MFNG: variants seen among roughly 807,000 people sequenced by gnomAD.
MFNG encodes the protein beta-1,3-N-acetylglucosaminyltransferase manic fringe.
Under a neutral mutation model 34.2 loss-of-function variants are expected in MFNG, and 24 were observed. That is an observed-to-expected ratio of 0.70 (90% CI 0.51 to 0.99). The LOEUF is 0.99. MFNG is among the 50% of genes least tolerant of loss of function. The pLI is 0.00. For missense variants in MFNG, 383 were observed against 424.0 expected (o/e 0.90, Z 0.85); for synonymous variants, 158 against 179.2 (o/e 0.88, Z 0.94).
chr22:37,473,742 T>C (rs1569156040), intron 6 of MFNG, among the ~76,000 whole-genome samples: 1 of 152,216 alleles, frequency 6.6e-6, no homozygotes, highest in African/African-American at 2.4e-5. Context: ...GGGGCTGCCA[T>C]CTTGCCAACA....
At chr22:37,478,275 G>A (rs1922129116) in intron 4 of MFNG, among the ~76,000 whole-genome samples, 1 of 152,106 alleles carries the variant, frequency 6.6e-6, no homozygotes, top group Non-Finnish European at 1.5e-5. Context: ...CTCTAGAGAG[G>A]GACCTCCCGA....
Position 37,479,600 on chromosome 22 carries a change from G to A in MFNG, c.408-102C>T, listed in dbSNP as rs1922199606. The A allele has an allele frequency of 4.2e-6, 6 of 1,433,782 alleles. No homozygotes were observed. The East Asian group carries it at 1.4e-4, about 34-fold the overall frequency. The allele number at this position is 1,433,782 out of a possible 1,614,324, so 88.8% of individuals were successfully genotyped here. A position where few individuals can be genotyped will look rare whatever the true frequency, so the allele number is the denominator to read the frequency against. On this transcript the variant is annotated intron_variant, in intron 3 of 7. Transcript: ENST00000356998. ...TCAACAGTGACGGAATGGGGGTAGG[G>A]GTGGGAGAGGCTGACATTTAAGGCA...
At position 37,483,813 on chromosome 22, in the gene MFNG, G is replaced by A. The variant is rs1473144205; in HGVS notation, c.255+2110C>T. 1.3e-5 allele frequency among the ~76,000 whole-genome samples: 2 copies of A among 152,112 alleles called. No homozygotes were observed. The highest frequency in any genetic ancestry group is 2.9e-5 in the Non-Finnish European group (2 of 68,024). On this transcript the variant is annotated intron_variant, in intron 1 of 7. Coordinates refer to ENST00000356998, the MANE Select transcript of MFNG (RefSeq NM_002405.4). The surrounding 1 kb of genome is among the most constrained non-coding windows in gnomAD (Gnocchi z 4.5). ...AAACACCAGCAGCCATGAACAGAGT[G>A]AGGGAGAGAGCCGGGAAGGGGAGTC... is the stretch of plus-strand genomic sequence containing the variant.
In MFNG at chr22:37,469,782, T is replaced by C; in HGVS notation, c.*181A>G. On this transcript the variant is annotated 3_prime_UTR_variant, in exon 8 of 8. Transcript: ENST00000356998. ...GGTCCCCTGGGCTGTCTAACTCACC[T>C]CCCAGGGGCCTGGGGTGCCTTCAGT... The C allele has an allele frequency of 2.8e-6, 2 of 703,366 alleles. No homozygotes were observed. The highest frequency in any genetic ancestry group is 5.3e-6 in the Non-Finnish European group (2 of 377,212). 43.6% of individuals were successfully genotyped at this position (703,366 alleles called of 1,614,324 possible). A position where few individuals can be genotyped will look rare whatever the true frequency, so the allele number is the denominator to read the frequency against.
chr22:37,469,801 C>A lies in MFNG; in HGVS notation c.*162G>T. ...CTCACCTCCCAGGGGCCTGGGGTGC[C>A]TTCAGTGCCAATTGCCACTCAGATC... On this transcript the variant is annotated 3_prime_UTR_variant, in exon 8 of 8. Transcript: ENST00000356998. The A allele has an allele frequency of 1.4e-6, 1 of 720,432 alleles. No homozygotes were observed. The highest frequency in any genetic ancestry group is 2.6e-6 in the Non-Finnish European group (1 of 390,750). 44.6% of individuals were successfully genotyped at this position (720,432 alleles called of 1,614,324 possible). A position where few individuals can be genotyped will look rare whatever the true frequency, so the allele number is the denominator to read the frequency against.
At chr22:37,471,340 G>A (rs758355063) in intron 7 of MFNG, among the ~76,000 whole-genome samples, 1 of 152,232 alleles carries the variant, frequency 6.6e-6, no homozygotes, top group African/African-American at 2.4e-5. Flanking sequence ...GCTGCCCAGA[G>A]ATGGAACAGA....
At chr22:37,474,475 C>T (rs771056399) in intron 6 of MFNG, 37 bp downstream of exon 6, 2 of 1,609,112 alleles carry the variant, frequency 1.2e-6, no homozygotes, top group South Asian at 2.2e-5. Context: ...CTTTGGTTCC[C>T]CTTCCCATTT....
chr22:37,480,071 G>C (rs1261171863), intron 3 of MFNG, 126 bp downstream of exon 3: 1 of 679,434 alleles, frequency 1.5e-6, no homozygotes, highest in African/African-American at 1.8e-5. Context: ...AACCCAGCTG[G>C]ACTTCCCAGC....
chr22:37,485,636 C>T lies in MFNG; in HGVS notation c.255+287G>A, dbSNP rs780983897. ...GGGAGCGGCTAGGAATAGAAGAACCCCCAGGAGGGACCCGGGAGCCTGGAG... is the reference window on the plus strand; with the variant it reads ...GGGAGCGGCTAGGAATAGAAGAACCTCCAGGAGGGACCCGGGAGCCTGGAG... On this transcript the variant is annotated intron_variant, in intron 1 of 7. Transcript: ENST00000356998. The surrounding 1 kb of genome is among the most constrained non-coding windows in gnomAD (Gnocchi z 5.3). Among the ~76,000 whole-genome samples, 8 of 152,200 alleles carry T rather than the reference C, an allele frequency of 5.3e-5. No individual in the cohort carries two copies. The highest frequency in any genetic ancestry group is 7.4e-5 in the Non-Finnish European group (5 of 68,024).
chr22:37,480,652 G>A, intron 2 of MFNG, 69 bp downstream of exon 2: 2 of 1,477,586 alleles, frequency 1.4e-6, no homozygotes, highest in Non-Finnish European at 1.9e-6. Context: ...TCAGGCCAGG[G>A]CACAGCCGCC....
At chr22:37,479,763 G>A (rs967139145) in intron 3 of MFNG, among the ~76,000 whole-genome samples, 3 of 152,192 alleles carry the variant, frequency 2.0e-5, no homozygotes, top group African/African-American at 7.2e-5. Flanking sequence ...CAGCACTTTA[G>A]GAGGCCGAGG....
rs6000748 is a variant in MFNG at position 37,485,475 on chromosome 22, G to A, written c.255+448C>T. On this transcript the variant is annotated intron_variant, in intron 1 of 7. Transcript: ENST00000356998. The surrounding 1 kb of genome is among the most constrained non-coding windows in gnomAD (Gnocchi z 5.3). Reference sequence around the variant, plus strand: ...CAGAGCCCGGGCAGGACAGCACCTAGGGCCTGGGTGGGACAGCCTGGCCTG... The same window carrying A: ...CAGAGCCCGGGCAGGACAGCACCTAAGGCCTGGGTGGGACAGCCTGGCCTG... Among the ~76,000 whole-genome samples the A allele has an allele frequency of 2.1e-4, 32 of 152,220 alleles. No homozygotes were observed. The East Asian group carries it at 4.7e-3, about 22-fold the overall frequency.
intron 3 of MFNG, 49 bp from the exon 4 acceptor site, chr22:37,479,547 C>T: frequency 6.2e-7 from 1 of 1,601,794 alleles, no homozygotes. Flanking sequence ...GGTTCCAAGC[C>T]AGGGTCCCCA....
chr22:37,480,400 C>A (rs1922240667), intron 2 of MFNG, 101 bp from the exon 3 acceptor site: 1 of 907,572 alleles, frequency 1.1e-6, no homozygotes, highest in African/African-American at 1.7e-5. Context: ...GAGTCTGGAG[C>A]AGCCCACCCA....
chr22:37,473,879 C>G (rs979816736), intron 6 of MFNG, among the ~76,000 whole-genome samples: 2 of 152,212 alleles, frequency 1.3e-5, no homozygotes, highest in Non-Finnish European at 2.9e-5. Context: ...GGCAGGAGAT[C>G]CCGGGGACGC....
intron 6 of MFNG, among the ~76,000 whole-genome samples, chr22:37,473,690 T>C (rs1921908003): frequency 6.6e-6 from 1 of 152,148 alleles, no homozygotes; most frequent in African/African-American, 2.4e-5. Flanking sequence ...CCCGGGGATC[T>C]GAAGGAAGGA....
intron 6 of MFNG, among the ~76,000 whole-genome samples, chr22:37,473,905 T>C (rs1364875742): frequency 6.6e-6 from 1 of 152,218 alleles, no homozygotes; most frequent in Non-Finnish European, 1.5e-5. Context: ...GCCAGGACCA[T>C]CTACAGTGTC....
rs1921850178 is a variant in MFNG at position 37,472,423 on chromosome 22, G to T, written c.899+20C>A. ...TCAGCCCCCACTCCTCCCATCCAAG[G>T]TTCCAGCCCCCAGACCCACCTGGAG... On this transcript the variant is annotated intron_variant, in intron 7 of 7. Transcript: ENST00000356998. 6.4e-7 allele frequency: 1 copy of T among 1,555,826 alleles called. No homozygotes were observed. The highest frequency in any genetic ancestry group is 8.7e-7 in the Non-Finnish European group (1 of 1,154,190).
intron 2 of MFNG, 87 bp downstream of exon 2, chr22:37,480,633 TG>T: frequency 1.5e-6 from 2 of 1,316,510 alleles, no homozygotes; most frequent in Non-Finnish European, 2.2e-6. Context: ...GCCCATTTCC[TG>T]GGAACCCTCA....
Sources: allele counts gnomAD v4.1 joint callset (sites outside exome capture counted in the v4.1 genomes callset), GRCh38; gene constraint gnomAD v4.1.1; non-coding constraint Gnocchi (gnomAD v3.1); transcripts MANE v1.5; gene names NCBI Gene and HGNC (gene_info 2026-07-23, HGNC 2026-07-21).